Variants in TOP6BL observed in about 807,000 individuals in gnomAD.
TOP6BL encodes TOP6B like initiator of meiotic double strand breaks.
the TOP6BL span, among the ~76,000 whole-genome samples, chr11:66,781,109 G>A: frequency 9.2e-5 from 14 of 151,960 alleles, no homozygotes; most frequent in South Asian, 2.1e-4. Flanking sequence ...AGGGAATTTT[G>A]TTCATGGTTT....
the TOP6BL span, among the ~76,000 whole-genome samples, chr11:66,789,495 G>A: frequency 1.3e-5 from 2 of 152,152 alleles, no homozygotes; most frequent in Non-Finnish European, 2.9e-5. Flanking sequence ...ATGGTATCAG[G>A]ACAACAGATA....
chr11:66,761,302 C>T, the TOP6BL span, among the ~76,000 whole-genome samples: 3 of 151,594 alleles, frequency 2.0e-5, no homozygotes, highest in South Asian at 4.2e-4. Context: ...ACCCGGGAGG[C>T]GGAGCTTGCA....
At chr11:66,832,604 T>C in the TOP6BL span, among the ~76,000 whole-genome samples, 1 of 152,214 alleles carries the variant, frequency 6.6e-6, no homozygotes, top group Non-Finnish European at 1.5e-5. Context: ...AGTGCTCCCT[T>C]CACCACCCCT....
chr11:66,839,316 C>G, the TOP6BL span: 1 of 403,552 alleles, frequency 2.5e-6, no homozygotes, highest in African/African-American at 2.1e-5. Context: ...GAAATTGAGG[C>G]CCACAGATAT....
the TOP6BL span, among the ~76,000 whole-genome samples, chr11:66,783,384 ATAGATGATAGG>A: frequency 6.6e-6 from 1 of 152,158 alleles, no homozygotes; most frequent in Non-Finnish European, 1.5e-5. Context: ...AGACAGATAG[ATAGATGATAGG>A]TAGATAGATA....
At chr11:66,746,866 G>A in the TOP6BL span, among the ~76,000 whole-genome samples, 1 of 152,044 alleles carries the variant, frequency 6.6e-6, no homozygotes, top group African/African-American at 2.4e-5. Context: ...GAGTCAGAGT[G>A]AGACTCTGTC....
At chr11:66,813,928 A>T in the TOP6BL span, 1 of 1,613,722 alleles carries the variant, frequency 6.2e-7, no homozygotes, top group Non-Finnish European at 8.5e-7. Flanking sequence ...GCCGATGACT[A>T]CTTTCTTCAA....
the TOP6BL span, among the ~76,000 whole-genome samples, chr11:66,777,743 T>C: frequency 6.6e-6 from 1 of 151,664 alleles, no homozygotes; most frequent in African/African-American, 2.4e-5. Flanking sequence ...TACAAAAAAA[T>C]AGCCTGTAGT....
At chr11:66,841,110 ATT>A in the TOP6BL span, among the ~76,000 whole-genome samples, 787 of 84,528 alleles carry the variant, frequency 9.3e-3, 2 homozygotes, top group African/African-American at 0.035. Context: ...GAGGCCTCTC[ATT>A]TTTTTTTTTT....
the TOP6BL span, among the ~76,000 whole-genome samples, chr11:66,755,588 A>G: frequency 2.0e-5 from 3 of 152,194 alleles, no homozygotes; most frequent in Non-Finnish European, 4.4e-5. Flanking sequence ...GTGCAGTGGT[A>G]TCTTTTAAAT....
the TOP6BL span, among the ~76,000 whole-genome samples, chr11:66,801,656 C>G: frequency 3.3e-5 from 5 of 151,922 alleles, no homozygotes; most frequent in African/African-American, 9.7e-5. Flanking sequence ...GCCAACATGG[C>G]AAAACCCTGT....
At chr11:66,754,922 C>A in the TOP6BL span, among the ~76,000 whole-genome samples, 62 of 152,170 alleles carry the variant, frequency 4.1e-4, 1 homozygote, top group African/African-American at 1.4e-3. Context: ...TATTTAAATT[C>A]ATTTTTCAAC....
chr11:66,835,462 T>TA, the TOP6BL span, among the ~76,000 whole-genome samples: 1 of 152,252 alleles, frequency 6.6e-6, no homozygotes, highest in Non-Finnish European at 1.5e-5. Flanking sequence ...CTTTAAAGAA[T>TA]AAAACTCATT....
At chr11:66,768,025 C>G in the TOP6BL span, among the ~76,000 whole-genome samples, 88 of 152,284 alleles carry the variant, frequency 5.8e-4, 1 homozygote, top group African/African-American at 2.1e-3. Flanking sequence ...CTCCTGGGCT[C>G]AAGCGATCCT....
the TOP6BL span, among the ~76,000 whole-genome samples, chr11:66,808,696 A>T: frequency 1.7e-4 from 26 of 152,246 alleles, no homozygotes; most frequent in African/African-American, 6.3e-4. Flanking sequence ...AATTCAGTAC[A>T]CTGGTTTAAC....
At chr11:66,764,639 C>T in the TOP6BL span, among the ~76,000 whole-genome samples, 5 of 145,764 alleles carry the variant, frequency 3.4e-5, no homozygotes, top group East Asian at 4.0e-4. Context: ...CACTCCAGCT[C>T]GGGCGACAAT....
chr11:66,805,851 A>C, the TOP6BL span, among the ~76,000 whole-genome samples: 1 of 152,192 alleles, frequency 6.6e-6, no homozygotes, highest in Non-Finnish European at 1.5e-5. Flanking sequence ...ATTTTATTAC[A>C]CATTTAAAAT....
the TOP6BL span, among the ~76,000 whole-genome samples, chr11:66,782,699 C>A: frequency 6.6e-6 from 1 of 152,266 alleles, no homozygotes; most frequent in Non-Finnish European, 1.5e-5. Flanking sequence ...CTGAAAACAA[C>A]TGTCTCATAT....
the TOP6BL span, among the ~76,000 whole-genome samples, chr11:66,836,935 A>G: frequency 6.6e-6 from 1 of 151,432 alleles, no homozygotes; most frequent in Non-Finnish European, 1.5e-5. Context: ...TCCTGACCTC[A>G]TTATCTGCCT....
Sources: gnomAD v4.1 joint callset for allele counts (sites outside exome capture counted in the v4.1 genomes callset) on GRCh38, gnomAD v4.1.1 for gene constraint, MANE v1.5 for transcripts, NCBI Gene and HGNC (gene_info 2026-07-23, HGNC 2026-07-21) for gene names.